Variants in UBR3 observed in about 807,000 individuals in gnomAD.
The protein encoded by UBR3 is ubiquitin protein ligase E3 component n-recognin 3, also known as E3 ubiquitin-protein ligase UBR3.
Under a neutral mutation model 243.2 loss-of-function variants are expected in UBR3, and 85 were observed. That is an observed-to-expected ratio of 0.35 (90% CI 0.29 to 0.42). The LOEUF is 0.42. Ranked by LOEUF, UBR3 falls within the 10% of genes least tolerant of loss-of-function variation. The probability of loss-of-function intolerance (pLI) is 1.00; values close to 1 mark genes in which losing one functional copy is unlikely to be tolerated. For missense variants in UBR3, 1,686 were observed against 2,300.8 expected, an observed-to-expected ratio of 0.73 and a Z score of 5.47; for synonymous variants, 748 against 799.8, an observed-to-expected ratio of 0.94 and a Z score of 1.09.
At chr2:169,882,133 A>G (rs1239589322) in intron 5 of UBR3, among the ~76,000 whole-genome samples, 1 of 128,678 alleles carries the variant, frequency 7.8e-6, no homozygotes, top group Admixed American at 8.8e-5. Context: ...TTATATACAT[A>G]TATTTATATT....
intron 25 of UBR3, among the ~76,000 whole-genome samples, chr2:169,992,874 C>G (rs2089331404): frequency 6.6e-6 from 1 of 152,140 alleles, no homozygotes; most frequent in South Asian, 2.1e-4. Context: ...AATTCTCATG[C>G]CTTAGCCTCT....
chr2:170,054,587 C>T (rs2091292316), intron 32 of UBR3, among the ~76,000 whole-genome samples: 1 of 152,008 alleles, frequency 6.6e-6, no homozygotes, highest in Admixed American at 6.6e-5. Context: ...TGGCCACACC[C>T]AGCTATTTTT....
intron 35 of UBR3, among the ~76,000 whole-genome samples, chr2:170,068,209 G>A (rs1231348166): frequency 2.6e-5 from 4 of 152,006 alleles, no homozygotes; most frequent in Non-Finnish European, 5.9e-5. Flanking sequence ...AGTGGCTTTC[G>A]TCTGTAATCC....
intron 5 of UBR3, among the ~76,000 whole-genome samples, chr2:169,883,347 A>G (rs1415372498): frequency 6.6e-6 from 1 of 152,176 alleles, no homozygotes; most frequent in Non-Finnish European, 1.5e-5. Context: ...CATCTTACAT[A>G]GTAGTGACTT....
chr2:169,890,536 G>GATATATATATATATATAT (rs1396382870), intron 5 of UBR3, among the ~76,000 whole-genome samples: 18 of 53,608 alleles, frequency 3.4e-4, no homozygotes, highest in African/African-American at 1.3e-3. Flanking sequence ...GAGAGAGAGA[G>GATATATATATATATATAT]AGAGATATAT....
At chr2:170,046,634 G>A (rs1203526684) in intron 32 of UBR3, among the ~76,000 whole-genome samples, 3 of 152,100 alleles carry the variant, frequency 2.0e-5, no homozygotes, top group African/African-American at 7.2e-5. Context: ...CTCTTTATGT[G>A]ACAGTAGAAG....
At chr2:169,941,941 G>T (rs778683622) in intron 19 of UBR3, among the ~76,000 whole-genome samples, 8 of 152,318 alleles carry the variant, frequency 5.3e-5, no homozygotes, top group Non-Finnish European at 1.2e-4. Context: ...TGGGATATCA[G>T]TTCTATCTCT....
Position 169,994,432 on chromosome 2 carries a change from A to G in UBR3, c.3894A>G (p.Ser1298=). 6.2e-7 allele frequency: 1 copy of G among 1,614,112 alleles called. No homozygotes were observed. Among genetic ancestry groups the G allele is most frequent in the Non-Finnish European group, 8.5e-7 (1 of 1,179,960 alleles). The part of the protein sequence containing the change: ...TCAAVHDVRL[S]LLQRYFKDSS... ...CAGCCGTTCATGATGTGAGGCTTTC[A>G]TTATTACAGCGTTATTTTAAGGATG... Residue 1298 remains serine (S), a synonymous_variant, in exon 26 of 39, where the codon TCA becomes TCG. Transcript: ENST00000272793.
intron 11 of UBR3, among the ~76,000 whole-genome samples, chr2:169,921,923 A>G (rs1217408401): frequency 3.9e-5 from 6 of 151,910 alleles, no homozygotes; most frequent in East Asian, 1.9e-4. Context: ...CCCGGGAGGC[A>G]GAGGTTGCAG....
chr2:170,012,347 A>G (rs2090109995), intron 29 of UBR3, among the ~76,000 whole-genome samples: 1 of 152,170 alleles, frequency 6.6e-6, no homozygotes, highest in Non-Finnish European at 1.5e-5. Context: ...AGATGTTGTC[A>G]GTTCCCATTT....
At chr2:170,068,436 C>G (rs951308133) in intron 35 of UBR3, among the ~76,000 whole-genome samples, 1 of 152,024 alleles carries the variant, frequency 6.6e-6, no homozygotes, top group Non-Finnish European at 1.5e-5. Context: ...CCACTACACT[C>G]CAGTCTGGGT....
intron 18 of UBR3, among the ~76,000 whole-genome samples, chr2:169,932,076 A>ATTT (rs140968517): frequency 5.5e-5 from 8 of 145,920 alleles, no homozygotes; most frequent in Non-Finnish European, 6.0e-5. Flanking sequence ...TAGCTCATTA[A>ATTT]TTTTTTTTTT....
intron 1 of UBR3, among the ~76,000 whole-genome samples, chr2:169,843,379 G>A (rs962344365): frequency 2.6e-5 from 4 of 152,190 alleles, no homozygotes; most frequent in Non-Finnish European, 5.9e-5. Flanking sequence ...GTCCTCATAT[G>A]GTGGAAGAGT....
At chr2:169,949,227 A>G (rs562486264) in intron 22 of UBR3, among the ~76,000 whole-genome samples, 2 of 152,124 alleles carry the variant, frequency 1.3e-5, no homozygotes, top group Non-Finnish European at 2.9e-5. Context: ...GCAGTCTTCC[A>G]GAAGTTAGTA....
At chr2:170,004,298 T>G (rs1383424498) in intron 27 of UBR3, among the ~76,000 whole-genome samples, 1 of 152,062 alleles carries the variant, frequency 6.6e-6, no homozygotes, top group Non-Finnish European at 1.5e-5. Flanking sequence ...ACGTGATAGG[T>G]GATGATGACA....
At chr2:170,019,174 A>T (rs1368120021) in intron 30 of UBR3, among the ~76,000 whole-genome samples, 1 of 151,972 alleles carries the variant, frequency 6.6e-6, no homozygotes, top group Non-Finnish European at 1.5e-5. Context: ...AGTCAAGAAG[A>T]GGATAAGGCA....
At chr2:169,913,802 A>T (rs2085349492) in intron 10 of UBR3, among the ~76,000 whole-genome samples, 1 of 152,174 alleles carries the variant, frequency 6.6e-6, no homozygotes, top group Non-Finnish European at 1.5e-5. Context: ...TCTGATTTAA[A>T]TCTATTTAAA....
chr2:169,964,819 C>G (rs2087734360), intron 24 of UBR3: 1 of 455,918 alleles, frequency 2.2e-6, no homozygotes, highest in Admixed American at 2.4e-5. Flanking sequence ...GGTTTGACCT[C>G]TTTTGGCAGT....
At chr2:170,032,941 TTGTG>T (rs1559204003) in intron 31 of UBR3, among the ~76,000 whole-genome samples, 1 of 152,026 alleles carries the variant, frequency 6.6e-6, no homozygotes, top group Admixed American at 6.6e-5. Flanking sequence ...AAACAAAACT[TTGTG>T]TGTGTATTTT....
Sources: allele counts gnomAD v4.1 joint callset (sites outside exome capture counted in the v4.1 genomes callset), GRCh38; gene constraint gnomAD v4.1.1; transcripts MANE v1.5; gene names NCBI Gene and HGNC (gene_info 2026-07-23, HGNC 2026-07-21).